The following PRCP variants were observed in gnomAD, a reference collection of about 807,000 sequenced individuals.
PRCP encodes the protein lysosomal Pro-X carboxypeptidase.
In PRCP, 46 loss-of-function variants were observed where a neutral mutation model predicts 54.2. The observed-to-expected ratio is 0.85, with a 90% confidence interval of 0.67 to 1.09. PRCP has a LOEUF of 1.09. Among genes scored for constraint, PRCP ranks in the 50% least tolerant of loss-of-function variants. The pLI, the probability that PRCP is intolerant of heterozygous loss-of-function variation, is 0.00. For missense variants in PRCP, 613 were observed against 596.8 expected, an observed-to-expected ratio of 1.03 and a Z score of -0.28; for synonymous variants, 240 against 212.2, an observed-to-expected ratio of 1.13 and a Z score of -1.14.
At chr11:82,841,342 T>G (rs1858666477) in intron 6 of PRCP, among the ~76,000 whole-genome samples, 1 of 152,104 alleles carries the variant, frequency 6.6e-6, no homozygotes. Flanking sequence ...CCCAAATATA[T>G]TCTGCACCAC....
Position 82,823,596 on chromosome 11 carries a change from G to A in PRCP, c.*1310C>T, listed in dbSNP as rs1858147350. On this transcript the variant is annotated 3_prime_UTR_variant, in exon 9 of 9. Coordinates refer to ENST00000313010, the MANE Select transcript of PRCP (RefSeq NM_005040.4). ...AAGCTCAAGGTACAGTTTTTTAAAA[G>A]CAGAAAATGTTCCCAAGGCAGGGTG... 1 of 151,586 alleles carries A rather than the reference G, an allele frequency of 6.6e-6. No individual in the cohort carries two copies. The highest frequency in any genetic ancestry group is 6.6e-5 in the Admixed American group (1 of 15,224). The allele number at this position is 151,586 out of a possible 1,614,324, so 9.4% of individuals were successfully genotyped here. A position where few individuals can be genotyped will look rare whatever the true frequency, so the allele number is the denominator to read the frequency against.
Position 82,849,909 on chromosome 11 carries a change from C to A in PRCP, c.751+5G>T. Reference sequence around the variant, plus strand: ...CACAATTCCATTCTCTTAATTAAAGCTTACCAGTATTTGAGAGTCGATTAA... The same window carrying A: ...CACAATTCCATTCTCTTAATTAAAGATTACCAGTATTTGAGAGTCGATTAA... On this transcript the variant is annotated splice_donor_5th_base_variant and intron_variant, in intron 5 of 8. Coordinates refer to ENST00000313010, the MANE Select transcript of PRCP (RefSeq NM_005040.4). 1 of 1,454,306 alleles carries A rather than the reference C, an allele frequency of 6.9e-7. No homozygotes were observed. Among genetic ancestry groups the A allele is most frequent in the Non-Finnish European group, 9.1e-7 (1 of 1,099,042 alleles). 90.1% of individuals were successfully genotyped at this position (1,454,306 alleles called of 1,614,324 possible).
rs1357214194 is a variant in PRCP at position 82,869,393 on chromosome 11, AGAAG to A, written c.169-9280_169-9277del. 2.6e-5 allele frequency among the ~76,000 whole-genome samples: 4 copies of A among 151,482 alleles called. 1 individual carries two copies. The highest frequency in any genetic ancestry group is 5.9e-5 in the Non-Finnish European group (4 of 67,848). ...AAAGAAGAAGAAAAGAAGAAAAGAA[AGAAG>A]GAAGAAAGGAAGGAAGGAAAGAAAG... On this transcript the variant is annotated intron_variant, in intron 1 of 8. Transcript: ENST00000313010.
intron 1 of PRCP, among the ~76,000 whole-genome samples, chr11:82,896,065 T>C (rs189330292): frequency 6.6e-6 from 1 of 152,330 alleles, no homozygotes; most frequent in East Asian, 1.9e-4. Flanking sequence ...ACTATTGTCA[T>C]GCATTTGGAT....
intron 1 of PRCP, among the ~76,000 whole-genome samples, chr11:82,899,471 T>C (rs1860201075): frequency 6.6e-6 from 1 of 152,224 alleles, no homozygotes; most frequent in Non-Finnish European, 1.5e-5. Context: ...TTTTCCTATT[T>C]TTACACAGGC....
At chr11:82,868,385 G>GA (rs1333989811) in intron 1 of PRCP, among the ~76,000 whole-genome samples, 1 of 151,972 alleles carries the variant, frequency 6.6e-6, no homozygotes, top group African/African-American at 2.4e-5. Context: ...CAGGTATTAA[G>GA]AAAAAAACTA....
chr11:82,873,449 C>G (rs1050966085), intron 1 of PRCP, among the ~76,000 whole-genome samples: 4 of 152,210 alleles, frequency 2.6e-5, no homozygotes, highest in African/African-American at 9.6e-5. Flanking sequence ...TCAGGCTCCC[C>G]CCAGCATTTA....
chr11:82,858,795 C>G (rs1859147183), intron 2 of PRCP: 1 of 152,180 alleles, frequency 6.6e-6, no homozygotes, highest in African/African-American at 2.4e-5. Flanking sequence ...TTTCTCTTGT[C>G]TCCTTTCCAG....
rs372246503 is a variant in PRCP at position 82,836,047 on chromosome 11, G to C, written c.1274+2340C>G. 4.0e-4 allele frequency among the ~76,000 whole-genome samples: 61 copies of C among 152,132 alleles called. No individual in the cohort carries two copies. The South Asian group carries it at 0.011, about 27-fold the overall frequency. ...TCTCTGCTAAAAATACAAAAAATTA[G>C]CTGGGCGTGGTGGTGGGAGCCTGTA... On this transcript the variant is annotated intron_variant, in intron 8 of 8. Transcript: ENST00000313010.
intron 1 of PRCP, among the ~76,000 whole-genome samples, chr11:82,895,069 A>G (rs1860088069): frequency 6.6e-6 from 1 of 152,110 alleles, no homozygotes; most frequent in Middle Eastern, 3.4e-3. Flanking sequence ...GGTTAATTAA[A>G]GCCATGTACA....
chr11:82,886,915 G>A (rs930430908), intron 1 of PRCP, among the ~76,000 whole-genome samples: 3 of 152,184 alleles, frequency 2.0e-5, no homozygotes, highest in African/African-American at 7.2e-5. Context: ...GTCAATGAAA[G>A]CTACAGAGAA....
At chr11:82,834,288 G>A (rs1858464649) in intron 8 of PRCP, among the ~76,000 whole-genome samples, 1 of 152,170 alleles carries the variant, frequency 6.6e-6, no homozygotes, top group Non-Finnish European at 1.5e-5. Context: ...CAAACCCAAA[G>A]GCTTATATTT....
chr11:82,838,143 T>G (rs148037445), intron 8 of PRCP, among the ~76,000 whole-genome samples: 147 of 152,328 alleles, frequency 9.7e-4, no homozygotes, highest in African/African-American at 3.4e-3. Flanking sequence ...CTGGAGAGTT[T>G]TTTTAATATT....
chr11:82,832,685 C>T (rs1239953646), intron 8 of PRCP, among the ~76,000 whole-genome samples: 1 of 152,170 alleles, frequency 6.6e-6, no homozygotes, highest in African/African-American at 2.4e-5. Flanking sequence ...ATTTATTTTG[C>T]TGTGCAGAAG....
chr11:82,828,611 A>G (rs1858301708), intron 8 of PRCP: 1 of 152,224 alleles, frequency 6.6e-6, no homozygotes, highest in Non-Finnish European at 1.5e-5. Flanking sequence ...AGCCTGAAAT[A>G]AAAAGTCTTC....
At chr11:82,883,389 A>G (rs1318176914) in intron 1 of PRCP, among the ~76,000 whole-genome samples, 1 of 152,210 alleles carries the variant, frequency 6.6e-6, no homozygotes. Context: ...CAGCAGCACT[A>G]TGTAAGCCAC....
At chr11:82,826,535 A>G (rs1591031457) in intron 8 of PRCP, 1 of 152,176 alleles carries the variant, frequency 6.6e-6, no homozygotes, top group South Asian at 2.1e-4. Context: ...CTACCAGACT[A>G]CTTTCCAAAG....
At chr11:82,853,052 A>C in intron 3 of PRCP, 125 bp downstream of exon 3, 1 of 606,000 alleles carries the variant, frequency 1.7e-6, no homozygotes, top group Non-Finnish European at 2.7e-6. Flanking sequence ...GAAACTATTA[A>C]ATATAAACTA....
At chr11:82,865,026 G>T (rs1859298691) in intron 1 of PRCP, among the ~76,000 whole-genome samples, 3 of 152,148 alleles carry the variant, frequency 2.0e-5, no homozygotes, top group African/African-American at 7.2e-5. Flanking sequence ...CCACGTGTCT[G>T]CCACAGTGCT....
Sources: allele counts gnomAD v4.1 joint callset (sites outside exome capture counted in the v4.1 genomes callset), GRCh38; gene constraint gnomAD v4.1.1; transcripts MANE v1.5; gene names NCBI Gene and HGNC (gene_info 2026-07-23, HGNC 2026-07-21).